DLGAP3: variants seen among roughly 807,000 people sequenced by gnomAD.
DLGAP3 encodes the protein DLG associated protein 3.
DLGAP3 carries 17 observed loss-of-function variants against 81.2 expected under a neutral mutation model. The ratio of observed to expected loss-of-function variants is 0.21; its 90% CI spans 0.14 to 0.31. The LOEUF (loss-of-function observed/expected upper bound fraction) is 0.31. Ranked by LOEUF, DLGAP3 falls within the 10% of genes least tolerant of loss-of-function variation. DLGAP3 has a pLI of 1.00. For missense variants in DLGAP3, 1,124 were observed against 1,388.0 expected (o/e 0.81, Z 3.02); for synonymous variants, 577 against 587.4 (o/e 0.98, Z 0.26).
chr1:34,912,303 G>C (rs556790765), intron 1 of DLGAP3, among the ~76,000 whole-genome samples: 1 of 152,312 alleles, frequency 6.6e-6, no homozygotes, highest in East Asian at 1.9e-4. Flanking sequence ...CTGGGGAAAA[G>C]ATAAGGTGTT....
chr1:34,886,083 C>T lies in DLGAP3; in HGVS notation c.1589G>A (p.Arg530Lys), dbSNP rs368639772. The T allele has an allele frequency of 5.6e-6, 9 of 1,603,628 alleles. No homozygotes were observed. Among genetic ancestry groups the T allele is most frequent in the African/African-American group, 1.3e-5 (1 of 74,894 alleles). Residue 530 changes from arginine to lysine, a missense_variant, in exon 6 of 12, where the codon AGG becomes AAG. By Grantham distance (26) the Arg-to-Lys change is conservative (BLOSUM62 2). Coordinates refer to ENST00000373347, the MANE Select transcript of DLGAP3 (RefSeq NM_001080418.3). ...LLATPAAVSG[R>K]PGSSFNFRKA... ...GAAGGTGTACTCACAGGAGCCGGGC[C>T]TCCCTGAGACAGCGGCAGGGGTAGC...
intron 1 of DLGAP3, among the ~76,000 whole-genome samples, chr1:34,917,498 C>T (rs1054203555): frequency 1.3e-5 from 2 of 152,078 alleles, no homozygotes; most frequent in Non-Finnish European, 2.9e-5. Context: ...CAGGGATGTA[C>T]CACCGTGCCT....
At chr1:34,889,222 A>T (rs1039793475) in intron 5 of DLGAP3, among the ~76,000 whole-genome samples, 1 of 152,132 alleles carries the variant, frequency 6.6e-6, no homozygotes, top group African/African-American at 2.4e-5. Flanking sequence ...ACTCACAACC[A>T]ATTCTATCCA....
At chr1:34,891,760 T>C (rs1639314594) in intron 5 of DLGAP3, among the ~76,000 whole-genome samples, 1 of 152,182 alleles carries the variant, frequency 6.6e-6, no homozygotes. Context: ...GGCTGAACAC[T>C]AAGCTATGCA....
chr1:34,913,978 C>A (rs12084865), intron 1 of DLGAP3, among the ~76,000 whole-genome samples: 24,262 of 152,032 alleles, frequency 0.16, 2,470 homozygotes, highest in East Asian at 0.48. Flanking sequence ...CAGGGAAGGT[C>A]GTGGAGGGAG....
chr1:34,905,847 A>G (rs1489564721), intron 2 of DLGAP3, among the ~76,000 whole-genome samples: 1 of 151,158 alleles, frequency 6.6e-6, no homozygotes, highest in African/African-American at 2.4e-5. Context: ...CTACAAAACA[A>G]TTTTTTAAAT....
chr1:34,883,520 A>G (rs78412154), intron 8 of DLGAP3, among the ~76,000 whole-genome samples: 74 of 152,360 alleles, frequency 4.9e-4, no homozygotes, highest in Admixed American at 1.6e-3. Flanking sequence ...AGGATTCAGA[A>G]CATAGAGTTG....
At chr1:34,911,022 A>ACCCCCCCCCC (rs58074971) in intron 1 of DLGAP3, among the ~76,000 whole-genome samples, 20 of 131,936 alleles carry the variant, frequency 1.5e-4, no homozygotes, top group Admixed American at 4.9e-4. Context: ...GATATTATCC[A>ACCCCCCCCCC]CCCCCCCCCC....
At chr1:34,881,747 T>C (rs1174739897) in intron 8 of DLGAP3, among the ~76,000 whole-genome samples, 1 of 152,206 alleles carries the variant, frequency 6.6e-6, no homozygotes. Flanking sequence ...TTCATTCATA[T>C]AATTCACCAT....
chr1:34,900,110 A>G lies in DLGAP3; in HGVS notation c.1271T>C (p.Phe424Ser). Residue 424 changes from phenylalanine (F) to serine (S), a missense_variant, in exon 4 of 12, where the codon TTC becomes TCC. Physicochemically the swap from Phe to Ser is radical, Grantham distance 155 (BLOSUM62 -2). Transcript: ENST00000373347. The surrounding 1 kb of genome is among the most constrained non-coding windows in gnomAD (Gnocchi z 5.6). ...CACGCTGGAGGAGCGACGGGTGGTG[A>G]AGCGTCGGGCGACTGCTTTGGGAGA... ...KTSPKAVARRFTTRRSSSVDQ... is the reference protein window; with the variant it reads ...KTSPKAVARRSTTRRSSSVDQ... 1 of 1,613,824 alleles carries G rather than the reference A, an allele frequency of 6.2e-7. No individual in the cohort carries two copies. Among genetic ancestry groups the G allele is most frequent in the Non-Finnish European group, 8.5e-7 (1 of 1,180,020 alleles).
intron 1 of DLGAP3, among the ~76,000 whole-genome samples, chr1:34,928,649 C>T (rs372513784): frequency 6.6e-6 from 1 of 152,084 alleles, no homozygotes; most frequent in African/African-American, 2.4e-5. Context: ...GTGGGGGGGA[C>T]AGAGCCCAGG....
chr1:34,907,864 G>A (rs1327119616), intron 1 of DLGAP3, among the ~76,000 whole-genome samples: 2 of 152,146 alleles, frequency 1.3e-5, no homozygotes, highest in African/African-American at 4.8e-5. Context: ...AACCTCTCAC[G>A]TGACAGAGTT....
At chr1:34,918,256 ATCC>A (rs1424835744) in intron 1 of DLGAP3, among the ~76,000 whole-genome samples, 1 of 152,030 alleles carries the variant, frequency 6.6e-6, no homozygotes, top group East Asian at 1.9e-4. Flanking sequence ...GAGAGGCAGA[ATCC>A]TCCTTCCACC....
chr1:34,914,083 C>T (rs1002841706), intron 1 of DLGAP3, among the ~76,000 whole-genome samples: 6 of 152,236 alleles, frequency 3.9e-5, no homozygotes, highest in East Asian at 1.9e-4. Flanking sequence ...GAGCAGGGTT[C>T]GGGGTCTACC....
At chr1:34,906,317 C>T (rs1466710387) in intron 2 of DLGAP3, among the ~76,000 whole-genome samples, 1 of 151,932 alleles carries the variant, frequency 6.6e-6, no homozygotes. Context: ...AGCCACATCT[C>T]TACTCCAACC....
chr1:34,885,912 A>G, intron 6 of DLGAP3, 121 bp from the exon 7 acceptor site: 1 of 1,135,274 alleles, frequency 8.8e-7, no homozygotes, highest in Non-Finnish European at 1.2e-6. Context: ...CGCGCACTCC[A>G]CATGCTGCTG....
chr1:34,915,061 G>A (rs932051103), intron 1 of DLGAP3, among the ~76,000 whole-genome samples: 1 of 152,184 alleles, frequency 6.6e-6, no homozygotes, highest in African/African-American at 2.4e-5. Context: ...GGATCTGGAA[G>A]GGAAAGCCAG....
intron 5 of DLGAP3, among the ~76,000 whole-genome samples, chr1:34,897,157 T>G (rs1289156857): frequency 2.0e-5 from 3 of 151,936 alleles, no homozygotes; most frequent in Admixed American, 2.0e-4. Flanking sequence ...TGAGACATAA[T>G]AGGGTGACAT....
rs761128250 is a variant in DLGAP3 at position 34,905,198 on chromosome 1, G to A, written c.186C>T (p.Pro62=). ...AGLGHISPEG[P]LSLSEGPSVG... Reference sequence around the variant, plus strand: ...CCGACGGCCCCTCACTCAGGCTCAGGGGCCCTTCAGGAGAAATGTGTCCCA... The same window carrying A: ...CCGACGGCCCCTCACTCAGGCTCAGAGGCCCTTCAGGAGAAATGTGTCCCA... The change falls in exon 3 of 12, where the codon CCC becomes CCT. Residue 62 remains proline, a synonymous_variant. Transcript: ENST00000373347. 3.8e-6 allele frequency: 6 copies of A among 1,589,534 alleles called. No homozygotes were observed. In the Admixed American group the frequency reaches 7.1e-5, roughly 19 times the overall value.
Sources: allele counts gnomAD v4.1 joint callset (sites outside exome capture counted in the v4.1 genomes callset), GRCh38; gene constraint gnomAD v4.1.1; non-coding constraint Gnocchi (gnomAD v3.1); transcripts MANE v1.5; gene names NCBI Gene and HGNC (gene_info 2026-07-23, HGNC 2026-07-21).